MRTFA: variants seen among roughly 807,000 people sequenced by gnomAD.
MRTFA encodes the protein myocardin-related transcription factor A.
A neutral mutation model predicts 83.5 loss-of-function variants in MRTFA; 20 were observed. That is an observed-to-expected ratio of 0.24 (90% CI 0.17 to 0.35). The LOEUF is 0.35. Ranked by LOEUF, MRTFA falls within the 10% of genes least tolerant of loss-of-function variation. The pLI is 1.00. For synonymous variants in MRTFA, 659 were observed against 541.2 expected, an observed-to-expected ratio of 1.22 and a Z score of -3.02; for missense variants, 1,200 against 1,224.7, an observed-to-expected ratio of 0.98 and a Z score of 0.30.
intron 4 of MRTFA, among the ~76,000 whole-genome samples, chr22:40,459,822 C>CACATATAT (rs1308675939): frequency 5.9e-5 from 4 of 68,250 alleles, no homozygotes; most frequent in East Asian, 7.3e-4. Flanking sequence ...CACACACACA[C>CACATATAT]ATATATACAT....
chr22:40,519,675 A>T (rs2054827945), intron 3 of MRTFA: 1 of 1,156,546 alleles, frequency 8.6e-7, no homozygotes, highest in Non-Finnish European at 1.1e-6. Context: ...CTTAAAAAAA[A>T]TGTTATAACA....
intron 2 of MRTFA, among the ~76,000 whole-genome samples, chr22:40,592,943 A>G (rs1419325572): frequency 6.6e-6 from 1 of 152,166 alleles, no homozygotes; most frequent in Non-Finnish European, 1.5e-5. Flanking sequence ...GCAGTACTGT[A>G]CTTTTTTACT....
chr22:40,503,113 TATC>T (rs1049129493), intron 3 of MRTFA, among the ~76,000 whole-genome samples: 3 of 152,322 alleles, frequency 2.0e-5, no homozygotes, highest in Admixed American at 2.0e-4. Context: ...CTGTACTGTG[TATC>T]ATCAAGAAGA....
At chr22:40,457,377 A>G (rs777729433) in intron 4 of MRTFA, among the ~76,000 whole-genome samples, 20 of 151,562 alleles carry the variant, frequency 1.3e-4, no homozygotes, top group Non-Finnish European at 2.1e-4. Flanking sequence ...CAAGAAAGAA[A>G]GGAAAGAAAA....
chr22:40,415,800 G>A (rs997112894), intron 14 of MRTFA, among the ~76,000 whole-genome samples: 2 of 151,836 alleles, frequency 1.3e-5, no homozygotes, highest in African/African-American at 4.8e-5. Flanking sequence ...TGGACTTCCT[G>A]TTGTGCCCAT....
chr22:40,482,695 C>A (rs1302441727), intron 3 of MRTFA, among the ~76,000 whole-genome samples: 3 of 152,186 alleles, frequency 2.0e-5, no homozygotes, highest in Non-Finnish European at 4.4e-5. Context: ...AAAATATGGG[C>A]AGCCTTGAAT....
At chr22:40,490,531 G>A (rs1375888055) in intron 3 of MRTFA, among the ~76,000 whole-genome samples, 12 of 151,548 alleles carry the variant, frequency 7.9e-5, no homozygotes, top group Admixed American at 5.3e-4. Flanking sequence ...CCCAGGAGGC[G>A]GAGCTTGCAG....
rs566705593 is a variant in MRTFA, at chr22:40,564,773, T to C, written c.-21-12406A>G. 4.5e-4 allele frequency among the ~76,000 whole-genome samples: 68 copies of C among 152,228 alleles called. 1 individual carries two copies. The highest frequency in any genetic ancestry group is 6.5e-4 in the Non-Finnish European group (44 of 68,012). On this transcript the variant is annotated intron_variant, in intron 2 of 14. Coordinates refer to ENST00000355630, the MANE Select transcript of MRTFA (RefSeq NM_020831.6). ...GTTCAAGCTTTCTCCTGCCTCAGCC[T>C]CCCGAATAGGTGAGACTACAGGCAC...
At chr22:40,429,583 C>T in intron 7 of MRTFA, 23 bp downstream of exon 7, 1 of 1,614,108 alleles carries the variant, frequency 6.2e-7, no homozygotes, top group Non-Finnish European at 8.5e-7. Context: ...GCCTCTCACA[C>T]AGGGTGGCTG....
At chr22:40,599,097 A>G (rs1392773623) in intron 1 of MRTFA, among the ~76,000 whole-genome samples, 1 of 151,826 alleles carries the variant, frequency 6.6e-6, no homozygotes, top group East Asian at 1.9e-4. Context: ...TGGGAGTTCG[A>G]GACTAGCCTG....
At chr22:40,518,824 A>C (rs2054808514) in intron 3 of MRTFA, among the ~76,000 whole-genome samples, 1 of 142,770 alleles carries the variant, frequency 7.0e-6, no homozygotes, top group South Asian at 2.3e-4. Flanking sequence ...AAAAAAAACC[A>C]GTGTCTGTCT....
intron 2 of MRTFA, among the ~76,000 whole-genome samples, chr22:40,552,613 A>G (rs2055458799): frequency 6.6e-6 from 1 of 152,170 alleles, no homozygotes; most frequent in African/African-American, 2.4e-5. Context: ...CCTTCCTGCC[A>G]CCATGTGAAG....
At chr22:40,480,423 G>A (rs1156289029) in intron 3 of MRTFA, among the ~76,000 whole-genome samples, 2 of 151,908 alleles carry the variant, frequency 1.3e-5, no homozygotes, top group African/African-American at 4.8e-5. Context: ...CCACTCCTCT[G>A]TTTTAAAATG....
rs546465190 is a variant in MRTFA at position 40,544,958 on chromosome 22, A to AATATATAT, written c.241+7140_241+7147dup. Among the ~76,000 whole-genome samples, 16 of 149,934 alleles carry AATATATAT rather than the reference A, an allele frequency of 1.1e-4. No individual in the cohort carries two copies. In the Middle Eastern group the frequency reaches 0.011, roughly 100 times the overall value. On this transcript the variant is annotated intron_variant, in intron 3 of 14. Coordinates refer to ENST00000355630, the MANE Select transcript of MRTFA (RefSeq NM_020831.6). ...AATAAATAAATAAATAAATAAAATA[A>AATATATAT]ATATATATATATACACATAAAATAA...
chr22:40,453,030 G>A (rs73422612), intron 4 of MRTFA, among the ~76,000 whole-genome samples: 4 of 152,204 alleles, frequency 2.6e-5, no homozygotes, highest in South Asian at 2.1e-4. Context: ...CAGCAGAAGC[G>A]AGACAAGGAT....
chr22:40,571,026 CAAAA>C (rs71199292), intron 2 of MRTFA, among the ~76,000 whole-genome samples: 16 of 46,730 alleles, frequency 3.4e-4, no homozygotes, highest in Admixed American at 7.5e-4. Flanking sequence ...CCTGTCTCTA[CAAAA>C]AAAAAAAAAA....
At chr22:40,559,250 G>A (rs886076925) in intron 2 of MRTFA, among the ~76,000 whole-genome samples, 3 of 152,086 alleles carry the variant, frequency 2.0e-5, no homozygotes, top group African/African-American at 7.2e-5. Context: ...GTTAGGCATG[G>A]TGGTGTGCGT....
chr22:40,609,290 CAAA>C (rs56048331), intron 1 of MRTFA, among the ~76,000 whole-genome samples: 3 of 92,616 alleles, frequency 3.2e-5, no homozygotes, highest in Admixed American at 1.1e-4. Context: ...GACTCCTTCT[CAAA>C]AAAAAAAAAA....
At chr22:40,576,509 A>G (rs1254986903) in intron 2 of MRTFA, among the ~76,000 whole-genome samples, 1 of 152,080 alleles carries the variant, frequency 6.6e-6, no homozygotes, top group Non-Finnish European at 1.5e-5. Context: ...TACTTTTCCC[A>G]CCTTTTAAAG....
Sources: allele counts gnomAD v4.1 joint callset (sites outside exome capture counted in the v4.1 genomes callset), GRCh38; gene constraint gnomAD v4.1.1; transcripts MANE v1.5; gene names NCBI Gene and HGNC (gene_info 2026-07-23, HGNC 2026-07-21).